Variants in TRAPPC9 observed in about 807,000 individuals in gnomAD.
The protein encoded by TRAPPC9 is IKK2 binding protein.
A neutral mutation model predicts 124.0 loss-of-function variants in TRAPPC9; 83 were observed. That is an observed-to-expected ratio of 0.67 (90% confidence interval 0.56 to 0.80). The LOEUF is 0.80. Among genes scored for constraint, TRAPPC9 ranks in the 30% least tolerant of loss-of-function variants. The pLI is 0.00. For synonymous variants in TRAPPC9, 638 were observed against 617.5 expected, an observed-to-expected ratio of 1.03 and a Z score of -0.49; for missense variants, 1,302 against 1,508.3, an observed-to-expected ratio of 0.86 and a Z score of 2.27.
intron 18 of TRAPPC9, among the ~76,000 whole-genome samples, chr8:139,992,979 G>A (rs549134145): frequency 6.6e-6 from 1 of 152,098 alleles, no homozygotes; most frequent in East Asian, 1.9e-4. Flanking sequence ...AACAGTTCAT[G>A]ACCTTGGAAA....
At chr8:139,928,360 T>C (rs904445664) in intron 19 of TRAPPC9, among the ~76,000 whole-genome samples, 1 of 151,838 alleles carries the variant, frequency 6.6e-6, no homozygotes, top group Non-Finnish European at 1.5e-5. Context: ...GGTGTGGTGG[T>C]GGGTGCCTGT....
chr8:140,405,288 TA>T (rs1564002706), intron 6 of TRAPPC9: 1 of 293,192 alleles, frequency 3.4e-6, no homozygotes, highest in African/African-American at 2.3e-5. Flanking sequence ...TATACATTGA[TA>T]AAAGAACCAG....
intron 13 of TRAPPC9, among the ~76,000 whole-genome samples, chr8:140,285,600 T>G (rs538795065): frequency 6.6e-6 from 1 of 152,276 alleles, no homozygotes; most frequent in Non-Finnish European, 1.5e-5. Context: ...TCTGCCACCC[T>G]GGCCTGGACC....
In TRAPPC9 at chr8:139,810,244, C is replaced by A. The variant is rs192821023; in HGVS notation, c.3055+75635G>T. 4.1e-3 allele frequency among the ~76,000 whole-genome samples: 629 copies of A among 152,290 alleles called. 9 individuals carry two copies. Among genetic ancestry groups the A allele is most frequent in the African/African-American group, 0.015 (620 of 41,550 alleles). On this transcript the variant is annotated intron_variant, in intron 21 of 22. Transcript: ENST00000438773. ...ACCTAACAGGGCAGCAGAAGCTAAA[C>A]CCTGGGAGGCGACGCCAAGGAGACA...
At chr8:140,328,171 C>T (rs1233791144) in intron 9 of TRAPPC9, among the ~76,000 whole-genome samples, 1 of 152,084 alleles carries the variant, frequency 6.6e-6, no homozygotes, top group African/African-American at 2.4e-5. Flanking sequence ...AGAAGAATCG[C>T]TTGAAGCCAG....
chr8:140,265,103 G>C (rs1238867298), intron 15 of TRAPPC9, among the ~76,000 whole-genome samples: 1 of 152,186 alleles, frequency 6.6e-6, no homozygotes, highest in Non-Finnish European at 1.5e-5. Context: ...GAAAGGGAGA[G>C]GAAAACCACA....
intron 17 of TRAPPC9, among the ~76,000 whole-genome samples, chr8:140,115,984 C>T (rs1047059592): frequency 4.6e-5 from 7 of 152,152 alleles, no homozygotes; most frequent in African/African-American, 1.7e-4. Context: ...GCATAGAAGG[C>T]AGTGCCTGAG....
At chr8:139,804,161 AAGC>A (rs1394719049) in intron 21 of TRAPPC9, among the ~76,000 whole-genome samples, 2 of 98,664 alleles carry the variant, frequency 2.0e-5, no homozygotes, top group Admixed American at 2.5e-4. Context: ...CACCACCACC[AAGC>A]ACCACCACCA....
At chr8:140,256,945 C>T (rs182072761) in intron 15 of TRAPPC9, among the ~76,000 whole-genome samples, 14 of 152,248 alleles carry the variant, frequency 9.2e-5, no homozygotes, top group Admixed American at 7.2e-4. Flanking sequence ...ACACCACCAC[C>T]AATGATGGGG....
chr8:139,784,608 C>CATATATATATATATATATATATATAT (rs34583867), intron 21 of TRAPPC9, among the ~76,000 whole-genome samples: 5 of 88,654 alleles, frequency 5.6e-5, no homozygotes, highest in East Asian at 3.4e-4. Context: ...AAAAGACTGA[C>CATATATATATATATATATATATATAT]ATATATATAT....
chr8:139,937,833 T>C (rs1057109590), intron 19 of TRAPPC9, among the ~76,000 whole-genome samples: 7 of 152,236 alleles, frequency 4.6e-5, no homozygotes, highest in Non-Finnish European at 7.4e-5. Context: ...GGCCAGCGCT[T>C]GACAAAGCCA....
At chr8:139,755,674 G>GC (rs917152304) in intron 21 of TRAPPC9, among the ~76,000 whole-genome samples, 2 of 135,184 alleles carry the variant, frequency 1.5e-5, no homozygotes, top group Non-Finnish European at 3.1e-5. Context: ...ACAGCAGGTC[G>GC]CAGGAGGAGC....
At chr8:140,079,839 A>T (rs1843715003) in intron 17 of TRAPPC9, among the ~76,000 whole-genome samples, 1 of 152,226 alleles carries the variant, frequency 6.6e-6, no homozygotes, top group South Asian at 2.1e-4. Context: ...CTGAGCCAGG[A>T]GAATCGCTTG....
At chr8:140,127,460 A>G (rs756477396) in intron 17 of TRAPPC9, among the ~76,000 whole-genome samples, 17 of 152,242 alleles carry the variant, frequency 1.1e-4, no homozygotes, top group Non-Finnish European at 2.4e-4. Context: ...TCAGATGCTA[A>G]GCATCTTGAG....
intron 17 of TRAPPC9, among the ~76,000 whole-genome samples, chr8:140,204,902 G>A (rs533388156): frequency 1.3e-5 from 2 of 152,236 alleles, no homozygotes; most frequent in African/African-American, 4.8e-5. Flanking sequence ...ATTTTATTGA[G>A]AGGAAATCTT....
intron 2 of TRAPPC9, among the ~76,000 whole-genome samples, chr8:140,443,411 G>C (rs1392845564): frequency 6.6e-6 from 1 of 151,678 alleles, no homozygotes; most frequent in African/African-American, 2.4e-5. Flanking sequence ...ACTCCAGCGT[G>C]GGCGACAGAG....
chr8:140,404,825 T>C (rs1009286710), intron 6 of TRAPPC9, among the ~76,000 whole-genome samples: 4 of 151,936 alleles, frequency 2.6e-5, no homozygotes, highest in African/African-American at 7.3e-5. Context: ...TATGTGCATG[T>C]GTGTGAGCAT....
chr8:140,261,398 G>A (rs1295716625), intron 15 of TRAPPC9, among the ~76,000 whole-genome samples: 2 of 152,180 alleles, frequency 1.3e-5, no homozygotes, highest in Non-Finnish European at 2.9e-5. Context: ...GGGGCTACAG[G>A]AGAAGCCCCT....
At chr8:140,418,352 T>C (rs1435521805) in intron 5 of TRAPPC9, among the ~76,000 whole-genome samples, 1 of 152,232 alleles carries the variant, frequency 6.6e-6, no homozygotes, top group Non-Finnish European at 1.5e-5. Flanking sequence ...ATTCATTATA[T>C]GAGGCTAATG....
Sources: gnomAD v4.1 joint callset for allele counts (sites outside exome capture counted in the v4.1 genomes callset) on GRCh38, gnomAD v4.1.1 for gene constraint, MANE v1.5 for transcripts, NCBI Gene and HGNC (gene_info 2026-07-23, HGNC 2026-07-21) for gene names.